The following STAC variants were observed in gnomAD, a reference collection of about 807,000 sequenced individuals.
STAC encodes SH3 and cysteine-rich domain-containing protein.
In STAC, 43 loss-of-function variants were observed where a neutral mutation model predicts 48.8. The ratio of observed to expected loss-of-function variants is 0.88; its 90% CI spans 0.69 to 1.14. STAC has a LOEUF of 1.14. Among genes scored for constraint, STAC ranks in the 50% most tolerant of loss-of-function variants. STAC has a pLI of 0.00. For synonymous variants in STAC, 193 were observed against 179.5 expected (o/e 1.07, Z -0.60); for missense variants, 497 against 504.0 (o/e 0.99, Z 0.13).
rs1165227166 is a variant in STAC at position 36,533,491 on chromosome 3, T to G, written c.1110+4506T>G. ...TGCTAGCATGTTTTTTTTTTTTTTTTTTTTTTTTTTTCAGAATAATCTTAT... is the reference window on the plus strand; with the variant it reads ...TGCTAGCATGTTTTTTTTTTTTTTTGTTTTTTTTTTTCAGAATAATCTTAT... On this transcript the variant is annotated intron_variant, in intron 10 of 10. Coordinates refer to ENST00000273183, the MANE Select transcript of STAC (RefSeq NM_003149.3). 6.0e-4 allele frequency among the ~76,000 whole-genome samples: 90 copies of G among 150,022 alleles called. 2 individuals carry two copies. The highest frequency in any genetic ancestry group is 1.0e-3 in the Non-Finnish European group (70 of 67,506).
intron 2 of STAC, among the ~76,000 whole-genome samples, chr3:36,471,107 C>T (rs573058200): frequency 2.0e-5 from 3 of 152,266 alleles, no homozygotes; most frequent in Admixed American, 1.3e-4. Context: ...ATTGGACTTA[C>T]AGTTCCACAT....
chr3:36,399,027 A>T (rs73054152), intron 1 of STAC, among the ~76,000 whole-genome samples: 3,551 of 152,330 alleles, frequency 0.023, 61 homozygotes, highest in Non-Finnish European at 0.026. Context: ...CCTGACCCAC[A>T]TGGGGTACAG....
intron 1 of STAC, among the ~76,000 whole-genome samples, chr3:36,415,576 C>T (rs1012335515): frequency 6.6e-6 from 1 of 152,164 alleles, no homozygotes; most frequent in African/African-American, 2.4e-5. Flanking sequence ...AAGGGAATTC[C>T]CTGACCCCCT....
chr3:36,416,552 GTCCTTC>G (rs1225002121), intron 1 of STAC, among the ~76,000 whole-genome samples: 1 of 152,134 alleles, frequency 6.6e-6, no homozygotes, highest in Non-Finnish European at 1.5e-5. Context: ...CTGCTATTCA[GTCCTTC>G]TCTTGGGCTC....
chr3:36,506,604 T>C (rs939865883), intron 8 of STAC, among the ~76,000 whole-genome samples: 2 of 152,192 alleles, frequency 1.3e-5, no homozygotes, highest in Admixed American at 6.5e-5. Flanking sequence ...CTTGTTTCCT[T>C]GAGCATTGGT....
At position 36,443,528 on chromosome 3, in the gene STAC, G is replaced by A. The variant is rs2125666762; in HGVS notation, c.276G>A (p.Leu92=). Residue 92 remains leucine (L), a synonymous_variant, in exon 2 of 11, where the codon CTG becomes CTA. Transcript: ENST00000273183. This position sits in a 1 kb window ranked among gnomAD's most constrained non-coding sequence, Gnocchi z 4.2. The stretch of plus-strand genomic sequence containing the variant: ...GCCCACTCCCTGCTCCAGGAAGCCT[G>A]ACGTCCACACCCGCCAGGGCTGGTC... ...SSSPLPAPGS[L]TSTPARAGLH... 6.2e-7 allele frequency: 1 copy of A among 1,614,232 alleles called. No homozygotes were observed. The highest frequency in any genetic ancestry group is 8.5e-7 in the Non-Finnish European group (1 of 1,180,046).
intron 2 of STAC, among the ~76,000 whole-genome samples, chr3:36,469,586 G>T (rs1697269604): frequency 6.6e-6 from 1 of 152,138 alleles, no homozygotes; most frequent in Non-Finnish European, 1.5e-5. Flanking sequence ...GAATTTCCCA[G>T]GTGTTCTTTG....
Position 36,499,157 on chromosome 3 carries a change from G to T in STAC, c.767-5236G>T, listed in dbSNP as rs578202948. 3.8e-4 allele frequency among the ~76,000 whole-genome samples: 58 copies of T among 152,110 alleles called. 1 individual carries two copies. The highest frequency in any genetic ancestry group is 7.6e-4 in the Non-Finnish European group (52 of 68,000). Reference sequence around the variant, plus strand: ...ACCTATATTCAAAACATTTTAAAAAGATGTACTTCAAAGAGGAAAATATGA... The same window carrying T: ...ACCTATATTCAAAACATTTTAAAAATATGTACTTCAAAGAGGAAAATATGA... On this transcript the variant is annotated intron_variant, in intron 6 of 10. Coordinates refer to ENST00000273183, the MANE Select transcript of STAC (RefSeq NM_003149.3).
At chr3:36,460,981 A>G (rs965270052) in intron 2 of STAC, among the ~76,000 whole-genome samples, 1 of 152,222 alleles carries the variant, frequency 6.6e-6, no homozygotes, top group Non-Finnish European at 1.5e-5. Flanking sequence ...TATGCTCACT[A>G]TGGAAAATGA....
At chr3:36,457,748 A>T (rs1453508714) in intron 2 of STAC, among the ~76,000 whole-genome samples, 1 of 152,206 alleles carries the variant, frequency 6.6e-6, no homozygotes, top group African/African-American at 2.4e-5. Context: ...ATCATCCAGG[A>T]GGATACCTCC....
At chr3:36,546,113 A>G (rs1227481705) in intron 10 of STAC, 78 bp from the exon 11 acceptor site, 1 of 1,192,676 alleles carries the variant, frequency 8.4e-7, no homozygotes, top group Non-Finnish European at 1.2e-6. Context: ...CTCAGTCAGC[A>G]GGGATTCAAG....
chr3:36,476,774 C>T (rs1416153488), intron 2 of STAC, among the ~76,000 whole-genome samples: 1 of 152,200 alleles, frequency 6.6e-6, no homozygotes, highest in Non-Finnish European at 1.5e-5. Flanking sequence ...TTAAATTCCT[C>T]TTGTCTGCCT....
intron 1 of STAC, among the ~76,000 whole-genome samples, chr3:36,393,018 A>T (rs1393782386): frequency 6.6e-6 from 1 of 152,106 alleles, no homozygotes; most frequent in African/African-American, 2.4e-5. Context: ...CCTCTTCCAT[A>T]TCAGCCACCC....
At position 36,528,753 on chromosome 3, in the gene STAC, T is replaced by C. The variant is rs1187751777; in HGVS notation, c.972+6T>C. 1.2e-6 allele frequency: 2 copies of C among 1,604,754 alleles called. No individual in the cohort carries two copies. The highest frequency in any genetic ancestry group is 1.1e-5 in the South Asian group (1 of 88,966). ...CCAATGAAGACTGGTGGAAAGTAAG[T>C]GTTCCTCTTTCTTTAAAAAAAAAAG... On this transcript the variant is annotated splice_donor_region_variant and intron_variant, in intron 9 of 10. Transcript: ENST00000273183.
intron 1 of STAC, among the ~76,000 whole-genome samples, chr3:36,392,361 A>T (rs1406589270): frequency 6.6e-6 from 1 of 151,826 alleles, no homozygotes; most frequent in African/African-American, 2.4e-5. Flanking sequence ...TTTTTTTGAG[A>T]CAGGGTCTTA....
intron 8 of STAC, among the ~76,000 whole-genome samples, chr3:36,521,261 C>A (rs1182511869): frequency 6.6e-6 from 1 of 152,000 alleles, no homozygotes; most frequent in African/African-American, 2.4e-5. Context: ...GTAAAGTGGG[C>A]AGTTCTGATG....
intron 2 of STAC, among the ~76,000 whole-genome samples, chr3:36,482,023 TC>T (rs1434845083): frequency 1.3e-5 from 2 of 152,222 alleles, no homozygotes; most frequent in Admixed American, 6.5e-5. Flanking sequence ...CCTTTCTTCC[TC>T]TTTTCTAATA....
At chr3:36,483,750 G>A (rs567801100) in intron 3 of STAC, among the ~76,000 whole-genome samples, 2 of 152,108 alleles carry the variant, frequency 1.3e-5, no homozygotes, top group Non-Finnish European at 1.5e-5. Context: ...CCAGGAGTTC[G>A]AGACCAGCCT....
rs368809301 is a variant in STAC, at chr3:36,546,323, C to G, written c.*34C>G. The G allele has an allele frequency of 5.5e-5, 86 of 1,562,442 alleles. No homozygotes were observed. The highest frequency in any genetic ancestry group is 3.3e-4 in the Middle Eastern group (2 of 5,974). On this transcript the variant is annotated 3_prime_UTR_variant, in exon 11 of 11. Coordinates refer to ENST00000273183, the MANE Select transcript of STAC (RefSeq NM_003149.3). The stretch of plus-strand genomic sequence containing the variant: ...TCCTCCTCCGTTTGCAGTAGGCAAG[C>G]TCTGCTGCGATGCCTCTGCCTCATC...
Sources: allele counts gnomAD v4.1 joint callset (sites outside exome capture counted in the v4.1 genomes callset), GRCh38; gene constraint gnomAD v4.1.1; non-coding constraint Gnocchi (gnomAD v3.1); transcripts MANE v1.5; gene names NCBI Gene and HGNC (gene_info 2026-07-23, HGNC 2026-07-21).